Variants in OPRD1 observed in about 807,000 individuals in gnomAD.
OPRD1 encodes the protein opioid receptor delta 1.
Under a neutral mutation model 17.5 loss-of-function variants are expected in OPRD1, and 19 were observed. That is an observed-to-expected ratio of 1.09 (90% CI 0.76 to 1.60). The LOEUF (loss-of-function observed/expected upper bound fraction) is 1.60, where lower values mean the gene tolerates loss of function less well. OPRD1 is among the 40% of genes most tolerant of loss of function. OPRD1 has a pLI of 0.00. For synonymous variants in OPRD1, 256 were observed against 240.9 expected (o/e 1.06, Z -0.58); for missense variants, 483 against 547.2 (o/e 0.88, Z 1.17).
At chr1:28,848,310 A>G (rs2124282138) in intron 1 of OPRD1, among the ~76,000 whole-genome samples, 1 of 152,192 alleles carries the variant, frequency 6.6e-6, no homozygotes, top group East Asian at 1.9e-4. Context: ...GCTTCAGTAT[A>G]TGAATTTGAG....
chr1:28,847,532 G>T (rs545247), intron 1 of OPRD1, among the ~76,000 whole-genome samples: 61,493 of 152,044 alleles, frequency 0.4, 14,761 homozygotes, highest in East Asian at 0.87. Context: ...TGTGGACATG[G>T]ATACTGAAAG....
chr1:28,843,343 C>T (rs1348197314), intron 1 of OPRD1, among the ~76,000 whole-genome samples: 1 of 152,112 alleles, frequency 6.6e-6, no homozygotes, highest in African/African-American at 2.4e-5. Flanking sequence ...GCATTAAGTA[C>T]ATTCACACTG....
chr1:28,853,320 C>A (rs1475274014), intron 1 of OPRD1, among the ~76,000 whole-genome samples: 1 of 152,230 alleles, frequency 6.6e-6, no homozygotes, highest in Non-Finnish European at 1.5e-5. Flanking sequence ...TTCTCCCTCT[C>A]TGGTGATCAA....
At position 28,863,696 on chromosome 1, in the gene OPRD1, C is replaced by A; in HGVS notation, c.*413C>A. The A allele has an allele frequency of 5.7e-6, 1 of 176,946 alleles. No homozygotes were observed. The highest frequency in any genetic ancestry group is 1.2e-5 in the Non-Finnish European group (1 of 85,250). 11.0% of individuals were successfully genotyped at this position (176,946 alleles called of 1,614,324 possible). On this transcript the variant is annotated 3_prime_UTR_variant, in exon 3 of 3. Coordinates refer to ENST00000234961, the MANE Select transcript of OPRD1 (RefSeq NM_000911.4). ...ACTTTCGGAGTTGGGGGTCCGGGCC[C>A]AGGACCCAGAAAGGGCAGTGGTGGG...
chr1:28,839,199 T>C (rs1056439041), intron 1 of OPRD1, among the ~76,000 whole-genome samples: 6 of 152,168 alleles, frequency 3.9e-5, no homozygotes, highest in Non-Finnish European at 7.3e-5. Context: ...CTCTGAAGCC[T>C]CTTGGGGAGA....
In OPRD1 at chr1:28,868,595, A is replaced by G. The variant is rs1018324772; in HGVS notation, c.*5312A>G. On this transcript the variant is annotated 3_prime_UTR_variant, in exon 3 of 3. Transcript: ENST00000234961. ...AGTGGCTCACGCCTGTAATCCTAGCACTTTGGGAGGCCAAGGCGGGTGGAT... is the reference window on the plus strand; with the variant it reads ...AGTGGCTCACGCCTGTAATCCTAGCGCTTTGGGAGGCCAAGGCGGGTGGAT... The G allele has an allele frequency of 5.9e-5, 9 of 152,316 alleles. No individual in the cohort carries two copies. Among genetic ancestry groups the G allele is most frequent in the Admixed American group, 5.9e-4 (9 of 15,280 alleles). 9.4% of individuals were successfully genotyped at this position (152,316 alleles called of 1,614,324 possible). A position where few individuals can be genotyped will look rare whatever the true frequency, so the allele number is the denominator to read the frequency against.
At chr1:28,850,512 G>T (rs916202521) in intron 1 of OPRD1, among the ~76,000 whole-genome samples, 2 of 151,734 alleles carry the variant, frequency 1.3e-5, no homozygotes, top group Non-Finnish European at 2.9e-5. Context: ...TAGTAGAGAT[G>T]AGGTTTCTCC....
rs929532889 is a variant in OPRD1 at position 28,866,599 on chromosome 1, T to A, written c.*3316T>A. 4.6e-5 allele frequency: 7 copies of A among 152,218 alleles called. No homozygotes were observed. The highest frequency in any genetic ancestry group is 1.7e-4 in the African/African-American group (7 of 41,448). The allele number at this position is 152,218 out of a possible 1,614,324, so 9.4% of individuals were successfully genotyped here. On this transcript the variant is annotated 3_prime_UTR_variant, in exon 3 of 3. Transcript: ENST00000234961. ...CTACTTGCTCCTAAGTCACAGGGCC[T>A]GTTCGTAGTGGCAGAACTTGGGTCC...
At chr1:28,828,771 C>T (rs2088787930) in intron 1 of OPRD1, among the ~76,000 whole-genome samples, 1 of 151,414 alleles carries the variant, frequency 6.6e-6, no homozygotes, top group African/African-American at 2.4e-5. Context: ...AGGTGGATCA[C>T]CTGAGGTCAG....
At chr1:28,861,103 C>T (rs950385351) in intron 2 of OPRD1, among the ~76,000 whole-genome samples, 4 of 152,186 alleles carry the variant, frequency 2.6e-5, no homozygotes, top group African/African-American at 7.2e-5. Flanking sequence ...GGTTCCTATA[C>T]AATGAAGGTC....
At position 28,812,423 on chromosome 1, in the gene OPRD1, C is replaced by T. The variant is rs1260020851; in HGVS notation, c.40C>T (p.Pro14Ser). The change falls in exon 1 of 3, where the codon CCG (proline) becomes TCG (serine). Residue 14 changes from proline to serine, a missense_variant. By Grantham distance (74) the Pro-to-Ser change is moderately conservative (BLOSUM62 -1). Coordinates refer to ENST00000234961, the MANE Select transcript of OPRD1 (RefSeq NM_000911.4). ...CTCCGCCGGCGCCGAGCTGCAGCCC[C>T]CGCTCTTCGCCAACGCCTCGGACGC... is the stretch of plus-strand genomic sequence containing the variant. ...APSAGAELQP[P>S]LFANASDAYP... is the part of the protein sequence containing the mutation. 1 of 1,487,420 alleles carries T rather than the reference C, an allele frequency of 6.7e-7. No individual in the cohort carries two copies. The highest frequency in any genetic ancestry group is 1.5e-5 in the African/African-American group (1 of 68,562). 92.1% of individuals were successfully genotyped at this position (1,487,420 alleles called of 1,614,324 possible).
chr1:28,831,841 C>A (rs1337942815), intron 1 of OPRD1, among the ~76,000 whole-genome samples: 1 of 152,152 alleles, frequency 6.6e-6, no homozygotes, highest in Non-Finnish European at 1.5e-5. Context: ...CCTGGCTGAC[C>A]TTTTTTGGAT....
chr1:28,859,300 CG>C lies in OPRD1; in HGVS notation c.577+1del, dbSNP rs1557580391. ...PIMVMAVTRPRDGAVVCMLQF... is the reference protein window; with the variant it reads ...PIMVMAVTRPXDGAVVCMLQF... ...CATGGTCATGGCTGTGACCCGTCCC[CG>C]GGGTGAGTGAGTGAGTGCACCATGG... On this transcript the variant is annotated frameshift_variant and splice_region_variant, in exon 2 of 3. Coordinates refer to ENST00000234961, the MANE Select transcript of OPRD1 (RefSeq NM_000911.4). LOFTEE classifies it high-confidence loss of function. The C allele has an allele frequency of 3.7e-6, 6 of 1,610,292 alleles. No individual in the cohort carries two copies. The highest frequency in any genetic ancestry group is 5.1e-6 in the Non-Finnish European group (6 of 1,177,866).
chr1:28,853,760 T>G (rs1188421548), intron 1 of OPRD1, among the ~76,000 whole-genome samples: 1 of 151,880 alleles, frequency 6.6e-6, no homozygotes, highest in African/African-American at 2.4e-5. Context: ...TTCTTTTTTT[T>G]TTTTGAGATA....
At chr1:28,824,565 G>A (rs951585317) in intron 1 of OPRD1, among the ~76,000 whole-genome samples, 16 of 151,648 alleles carry the variant, frequency 1.1e-4, no homozygotes, top group African/African-American at 3.6e-4. Context: ...TGATCCGCCC[G>A]CCTCGGCCTC....
At chr1:28,823,190 C>CTTTTTTTTT (rs773578102) in intron 1 of OPRD1, among the ~76,000 whole-genome samples, 2 of 101,908 alleles carry the variant, frequency 2.0e-5, no homozygotes, top group Non-Finnish European at 3.9e-5. Flanking sequence ...CTTCTGTAGT[C>CTTTTTTTTT]TTTTTTTTTT....
intron 1 of OPRD1, among the ~76,000 whole-genome samples, chr1:28,829,776 C>T (rs1328521377): frequency 6.6e-6 from 1 of 152,214 alleles, no homozygotes; most frequent in Non-Finnish European, 1.5e-5. Context: ...GTGATGCAAT[C>T]ATGCCTCACT....
chr1:28,847,387 G>A (rs1412231428), intron 1 of OPRD1, among the ~76,000 whole-genome samples: 2 of 152,132 alleles, frequency 1.3e-5, no homozygotes, highest in African/African-American at 4.8e-5. Context: ...GGACACCTCA[G>A]AGGTGACAGG....
At chr1:28,827,870 G>C (rs2088778832) in intron 1 of OPRD1, among the ~76,000 whole-genome samples, 1 of 152,052 alleles carries the variant, frequency 6.6e-6, no homozygotes, top group African/African-American at 2.4e-5. Flanking sequence ...GACTACATGT[G>C]TGTGCCACCA....
Sources: allele counts gnomAD v4.1 joint callset (sites outside exome capture counted in the v4.1 genomes callset), GRCh38; gene constraint gnomAD v4.1.1; transcripts MANE v1.5; gene names NCBI Gene and HGNC (gene_info 2026-07-23, HGNC 2026-07-21).